The following ZNF536 variants were observed in gnomAD, a reference collection of about 807,000 sequenced individuals.
The protein encoded by ZNF536 is zinc finger protein 536.
In ZNF536, 13 loss-of-function variants were observed where a neutral mutation model predicts 84.5. The observed-to-expected ratio is 0.15, with a 90% CI of 0.10 to 0.24. The LOEUF (loss-of-function observed/expected upper bound fraction) is 0.24. ZNF536 is among the 10% of genes least tolerant of loss of function. ZNF536 has a pLI of 1.00. For missense variants in ZNF536, 1,536 were observed against 1,747.5 expected, an observed-to-expected ratio of 0.88 and a Z score of 2.16; for synonymous variants, 811 against 742.5, an observed-to-expected ratio of 1.09 and a Z score of -1.50.
chr19:30,507,139 A>G (rs1240246076), intron 2 of ZNF536, among the ~76,000 whole-genome samples: 2 of 152,170 alleles, frequency 1.3e-5, no homozygotes, highest in African/African-American at 4.8e-5. Context: ...AGGCGGGTGG[A>G]TCACCTGATG....
At chr19:30,377,341 CA>C (rs897656388) in intron 1 of ZNF536, among the ~76,000 whole-genome samples, 7 of 152,080 alleles carry the variant, frequency 4.6e-5, no homozygotes, top group African/African-American at 1.7e-4. Flanking sequence ...GCCTTTGGGC[CA>C]GGGGTTTCCA....
intron 2 of ZNF536, among the ~76,000 whole-genome samples, chr19:30,497,045 C>G (rs2054749531): frequency 6.6e-6 from 1 of 152,164 alleles, no homozygotes; most frequent in African/African-American, 2.4e-5. Context: ...ATGGGCCAAA[C>G]AGCAAGGTGC....
intron 2 of ZNF536, among the ~76,000 whole-genome samples, chr19:30,313,014 A>G (rs929168700): frequency 2.6e-5 from 4 of 152,244 alleles, no homozygotes; most frequent in African/African-American, 9.6e-5. Context: ...TCAAAGTGAA[A>G]GGCCAGGGAC....
chr19:30,599,565 A>G (rs2047609603), intron 1 of ZNF536, among the ~76,000 whole-genome samples: 1 of 149,592 alleles, frequency 6.7e-6, no homozygotes, highest in African/African-American at 2.5e-5. Context: ...TCCACTCAGC[A>G]AACCTTCTCC....
chr19:30,393,540 G>A (rs951256698), intron 1 of ZNF536, among the ~76,000 whole-genome samples: 5 of 152,210 alleles, frequency 3.3e-5, no homozygotes, highest in Non-Finnish European at 1.5e-5. Context: ...AGTCTGGCAG[G>A]TGCCTTAAGG....
At chr19:30,403,986 C>T (rs796213972) in intron 1 of ZNF536, among the ~76,000 whole-genome samples, 3 of 151,876 alleles carry the variant, frequency 2.0e-5, no homozygotes, top group East Asian at 1.9e-4. Context: ...TTCAGCATTC[C>T]CCTCTACATT....
At chr19:30,248,384 C>T (rs2024410636) in intron 1 of ZNF536, among the ~76,000 whole-genome samples, 1 of 146,422 alleles carries the variant, frequency 6.8e-6, no homozygotes, top group Non-Finnish European at 1.5e-5. Flanking sequence ...CACCTGCCAC[C>T]ATGCCCTGCT....
chr19:30,233,908 A>T lies in ZNF536; in HGVS notation c.-190+5235A>T, dbSNP rs139957933. Among the ~76,000 whole-genome samples the T allele has an allele frequency of 5.1e-4, 78 of 152,168 alleles. No individual in the cohort carries two copies. In the East Asian group the frequency reaches 0.014, roughly 28 times the overall value. On this transcript the variant is annotated intron_variant, in intron 1 of 5. Transcript: ENST00000585628. The stretch of plus-strand genomic sequence containing the variant: ...CCAGATTTACAGCAGGACCTCTGTG[A>T]TTTGCTCCTGATTCTCAAAGCTCAT...
intron 1 of ZNF536, among the ~76,000 whole-genome samples, chr19:30,647,617 C>G (rs1179337908): frequency 6.6e-6 from 1 of 152,194 alleles, no homozygotes. Context: ...TTCATTTTCT[C>G]TAGAAGTTGT....
At chr19:30,563,327 A>G (rs2046238641) in intron 1 of ZNF536, among the ~76,000 whole-genome samples, 1 of 152,166 alleles carries the variant, frequency 6.6e-6, no homozygotes, top group South Asian at 2.1e-4. Flanking sequence ...TGATAATTCA[A>G]CAAGCCCATT....
chr19:30,447,604 A>G (rs541205966), intron 2 of ZNF536, among the ~76,000 whole-genome samples: 1 of 152,322 alleles, frequency 6.6e-6, no homozygotes, highest in South Asian at 2.1e-4. Flanking sequence ...GTCACATGGA[A>G]CATACTAAGA....
At chr19:30,631,727 C>G (rs1360081843) in intron 1 of ZNF536, among the ~76,000 whole-genome samples, 4 of 152,114 alleles carry the variant, frequency 2.6e-5, no homozygotes, top group Non-Finnish European at 5.9e-5. Context: ...AGGACCTACT[C>G]CTGAGGCCGA....
At chr19:30,657,485 C>T (rs1353906663) in intron 1 of ZNF536, among the ~76,000 whole-genome samples, 2 of 152,208 alleles carry the variant, frequency 1.3e-5, no homozygotes, top group African/African-American at 2.4e-5. Flanking sequence ...GGTATTCCTG[C>T]CACTGCTCCG....
chr19:30,642,364 C>CT (rs1215643484), intron 1 of ZNF536, among the ~76,000 whole-genome samples: 1 of 152,148 alleles, frequency 6.6e-6, no homozygotes, highest in Non-Finnish European at 1.5e-5. Flanking sequence ...CAGGAAAGTT[C>CT]TTCTAGTCAA....
intron 1 of ZNF536, among the ~76,000 whole-genome samples, chr19:30,259,693 C>T (rs1436656456): frequency 6.6e-6 from 1 of 152,194 alleles, no homozygotes; most frequent in Non-Finnish European, 1.5e-5. Context: ...AGCCTGTAGA[C>T]CCAGTCAGTA....
chr19:30,679,946 TCATC>T (rs1730310081), intron 1 of ZNF536, among the ~76,000 whole-genome samples: 1 of 151,940 alleles, frequency 6.6e-6, no homozygotes, highest in Non-Finnish European at 1.5e-5. Flanking sequence ...TGCCACCTGG[TCATC>T]CATGCTGTCT....
intron 1 of ZNF536, among the ~76,000 whole-genome samples, chr19:30,255,153 G>A (rs1014833880): frequency 1.3e-5 from 2 of 152,090 alleles, no homozygotes; most frequent in Non-Finnish European, 2.9e-5. Context: ...TAGTGTCTCT[G>A]GATCTATTCC....
At chr19:30,671,425 A>G (rs1198197991) in intron 1 of ZNF536, among the ~76,000 whole-genome samples, 3 of 152,240 alleles carry the variant, frequency 2.0e-5, no homozygotes, top group Non-Finnish European at 4.4e-5. Flanking sequence ...GACCAGGGAC[A>G]GGCCTGGAGA....
Position 30,443,769 on chromosome 19 carries a change from C to G in ZNF536, c.207C>G (p.His69Gln). The G allele has an allele frequency of 6.2e-7, 1 of 1,612,814 alleles. No homozygotes were observed. The highest frequency in any genetic ancestry group is 8.5e-7 in the Non-Finnish European group (1 of 1,179,528). The change falls in exon 2 of 5, where the codon CAC becomes CAG. Residue 69 changes from histidine to glutamine, a missense_variant. By Grantham distance (24) the His-to-Gln change is conservative. Coordinates refer to ENST00000355537, the MANE Select transcript of ZNF536 (RefSeq NM_014717.3). ...KPPASLEEKA[H>Q]VPMSGQPMGS... is the part of the protein sequence containing the mutation. The stretch of plus-strand genomic sequence containing the variant: ...CCGCATCCCTGGAGGAGAAGGCCCA[C>G]GTGCCCATGAGCGGCCAGCCCATGG...
Sources: gnomAD v4.1 joint callset for allele counts (sites outside exome capture counted in the v4.1 genomes callset) on GRCh38, gnomAD v4.1.1 for gene constraint, MANE v1.5 for transcripts, NCBI Gene and HGNC (gene_info 2026-07-23, HGNC 2026-07-21) for gene names.